ARHGAP26: variants seen among roughly 807,000 people sequenced by gnomAD.
The protein encoded by ARHGAP26 is rho GTPase-activating protein 26.
In ARHGAP26, 38 loss-of-function variants were observed where a neutral mutation model predicts 104.8. The ratio of observed to expected loss-of-function variants is 0.36; its 90% CI spans 0.28 to 0.48. The LOEUF is 0.48. ARHGAP26 is among the 20% of genes least tolerant of loss of function. ARHGAP26 has a pLI of 0.99. For missense variants in ARHGAP26, 704 were observed against 947.9 expected (o/e 0.74, Z 3.38); for synonymous variants, 341 against 340.0 (o/e 1.00, Z -0.03).
intron 15 of ARHGAP26, among the ~76,000 whole-genome samples, chr5:143,055,412 A>G (rs972544351): frequency 9.2e-5 from 14 of 152,248 alleles, no homozygotes. Flanking sequence ...CCCAATGAGA[A>G]TAAAATCTGA....
chr5:143,143,501 C>G (rs566501623), intron 19 of ARHGAP26, among the ~76,000 whole-genome samples: 2 of 152,058 alleles, frequency 1.3e-5, no homozygotes, highest in Non-Finnish European at 2.9e-5. Flanking sequence ...CATGTTTTTC[C>G]GTTCCTGATT....
At chr5:142,805,303 T>C (rs569574087) in intron 1 of ARHGAP26, among the ~76,000 whole-genome samples, 1 of 152,214 alleles carries the variant, frequency 6.6e-6, no homozygotes, top group South Asian at 2.1e-4. Flanking sequence ...GGTTTTGCCA[T>C]GTTGGTCAGG....
In ARHGAP26 at chr5:143,080,744, G is replaced by GA. The variant is rs1450317314; in HGVS notation, c.1538+22998dup. Among the ~76,000 whole-genome samples, 7 of 152,282 alleles carry GA rather than the reference G, an allele frequency of 4.6e-5. No homozygotes were observed. The South Asian group carries it at 1.5e-3, about 32-fold the overall frequency. On this transcript the variant is annotated intron_variant, in intron 17 of 22. Coordinates refer to ENST00000645722, the MANE Select transcript of ARHGAP26 (RefSeq NM_001135608.3). ...TGAATTCTGTTCTAATTGTAATGGG[G>GA]AGCCACTGGAGGGTTCTGAGGGTGT...
intron 7 of ARHGAP26, among the ~76,000 whole-genome samples, chr5:142,902,493 G>A (rs1311057281): frequency 6.6e-6 from 1 of 152,242 alleles, no homozygotes; most frequent in Admixed American, 6.5e-5. Context: ...AAGGCTGGCA[G>A]GAAATCCAAG....
chr5:143,170,015 T>G (rs1304447311), intron 20 of ARHGAP26: 1 of 152,232 alleles, frequency 6.6e-6, no homozygotes, highest in Non-Finnish European at 1.5e-5. Flanking sequence ...AAATGTTATC[T>G]TCCTACTTAG....
At chr5:143,068,264 C>A (rs188002878) in intron 17 of ARHGAP26, among the ~76,000 whole-genome samples, 203 of 152,330 alleles carry the variant, frequency 1.3e-3, no homozygotes, top group African/African-American at 4.7e-3. Flanking sequence ...CATCGCAAAG[C>A]AACCTCAAGG....
chr5:142,931,911 C>T, intron 10 of ARHGAP26, 136 bp from the exon 11 acceptor site: 1 of 774,962 alleles, frequency 1.3e-6, no homozygotes, highest in Non-Finnish European at 2.2e-6. Flanking sequence ...CTTAGTAAAG[C>T]CGAGTGTTTT....
intron 14 of ARHGAP26, among the ~76,000 whole-genome samples, chr5:143,045,495 C>T (rs1784089389): frequency 1.3e-5 from 2 of 152,206 alleles, no homozygotes; most frequent in Non-Finnish European, 2.9e-5. Flanking sequence ...ATTCTTGGTA[C>T]TGGTAGTGTC....
At position 143,000,408 on chromosome 5, in the gene ARHGAP26, T is replaced by C. The variant is rs117844324; in HGVS notation, c.1108-13672T>C. ...AACAGAGGAATTGATAAAACTATGG[T>C]ATATTCAAACATTAAATTTCAACTC... On this transcript the variant is annotated intron_variant, in intron 11 of 22. Coordinates refer to ENST00000645722, the MANE Select transcript of ARHGAP26 (RefSeq NM_001135608.3). Among the ~76,000 whole-genome samples, 257 of 152,360 alleles carry C rather than the reference T, an allele frequency of 1.7e-3. 5 individuals are homozygous for C. The East Asian group carries it at 0.045, about 27-fold the overall frequency.
At chr5:143,015,582 C>A (rs1176443964) in intron 12 of ARHGAP26, among the ~76,000 whole-genome samples, 6 of 152,142 alleles carry the variant, frequency 3.9e-5, no homozygotes, top group Admixed American at 3.9e-4. Flanking sequence ...AAAATGGGAA[C>A]AGAGTAGTTT....
At position 143,057,671 on chromosome 5, in the gene ARHGAP26, G is replaced by A. The variant is rs1177663859; in HGVS notation, c.1462G>A (p.Glu488Lys). The change falls in exon 17 of 23, where the codon GAA (glutamate) becomes AAA (lysine). Residue 488 changes from glutamate (E) to lysine (K), a missense_variant. By Grantham distance (56) the Glu-to-Lys change is moderately conservative. Coordinates refer to ENST00000645722, the MANE Select transcript of ARHGAP26 (RefSeq NM_001135608.3). ...KLENQESRVS[E>K]IHSLVHRLPE... ...GGAGAACCAGGAGTCTCGGGTCTCT[G>A]AAATCCACAGCCTTGTTCATCGGCT... 6.2e-7 allele frequency: 1 copy of A among 1,613,808 alleles called. No homozygotes were observed. The highest frequency in any genetic ancestry group is 1.3e-5 in the African/African-American group (1 of 74,878).
At chr5:142,949,197 GAGA>G (rs1562136104) in intron 11 of ARHGAP26, among the ~76,000 whole-genome samples, 1 of 38,698 alleles carries the variant, frequency 2.6e-5, no homozygotes, top group Non-Finnish European at 4.1e-5. Context: ...GAGAGAGAGA[GAGA>G]GAGAGAGAGA....
intron 1 of ARHGAP26, among the ~76,000 whole-genome samples, chr5:142,853,645 T>C (rs887456222): frequency 2.0e-5 from 3 of 152,232 alleles, no homozygotes; most frequent in African/African-American, 7.2e-5. Context: ...ATAATATCTT[T>C]GAAAGCACTT....
chr5:142,932,197 A>AT, intron 11 of ARHGAP26, 72 bp downstream of exon 11: 1 of 1,406,670 alleles, frequency 7.1e-7, no homozygotes, highest in Non-Finnish European at 1.0e-6. Context: ...TAGTGCAGTG[A>AT]TTTTTGCTGC....
At chr5:143,085,044 C>CA (rs56852430) in intron 17 of ARHGAP26, among the ~76,000 whole-genome samples, 6,111 of 60,134 alleles carry the variant, frequency 0.1, 264 homozygotes, top group Non-Finnish European at 0.13. Flanking sequence ...GACTCCATCT[C>CA]AAAAAAAAAA....
chr5:143,158,390 C>T (rs1800767316), intron 20 of ARHGAP26, among the ~76,000 whole-genome samples: 2 of 152,280 alleles, frequency 1.3e-5, no homozygotes, highest in South Asian at 4.1e-4. Flanking sequence ...TGGTCAAAGC[C>T]CCCTACCCTA....
intron 11 of ARHGAP26, among the ~76,000 whole-genome samples, chr5:142,988,840 A>G (rs1222162002): frequency 2.0e-5 from 3 of 152,178 alleles, no homozygotes; most frequent in African/African-American, 7.2e-5. Context: ...GTTTGATTGC[A>G]TTGTGGTCTG....
intron 8 of ARHGAP26, 24 bp downstream of exon 8, chr5:142,903,693 C>T: frequency 1.2e-6 from 2 of 1,611,476 alleles, no homozygotes; most frequent in Non-Finnish European, 1.7e-6. Flanking sequence ...CTAGCAACAG[C>T]TTGGGATGTA....
At chr5:143,208,466 A>G (rs149743186) in intron 21 of ARHGAP26, among the ~76,000 whole-genome samples, 1 of 152,358 alleles carries the variant, frequency 6.6e-6, no homozygotes, top group African/African-American at 2.4e-5. Context: ...TGCTATTTAT[A>G]TATATACAGA....
Sources: allele counts gnomAD v4.1 joint callset (sites outside exome capture counted in the v4.1 genomes callset), GRCh38; gene constraint gnomAD v4.1.1; transcripts MANE v1.5; gene names NCBI Gene and HGNC (gene_info 2026-07-23, HGNC 2026-07-21).